Variants in CSMD3 observed in about 807,000 individuals in gnomAD.
The protein encoded by CSMD3 is CUB and sushi domain-containing protein 3.
In CSMD3, 177 loss-of-function variants were observed where a neutral mutation model predicts 435.2. The observed-to-expected ratio is 0.41, with a 90% CI of 0.36 to 0.46. The LOEUF (loss-of-function observed/expected upper bound fraction) is 0.46. Among genes scored for constraint, CSMD3 ranks in the 20% least tolerant of loss-of-function variants. The pLI, the probability that CSMD3 is intolerant of heterozygous loss-of-function variation, is 0.34. For missense variants in CSMD3, 4,265 were observed against 4,504.6 expected (o/e 0.95, Z 1.52); for synonymous variants, 1,656 against 1,520.5 (o/e 1.09, Z -2.07).
At chr8:113,084,437 T>G (rs975918421) in intron 5 of CSMD3, among the ~76,000 whole-genome samples, 9 of 151,892 alleles carry the variant, frequency 5.9e-5, no homozygotes, top group Non-Finnish European at 1.3e-4. Context: ...AATGTATTGA[T>G]AAAGAAATTG....
chr8:112,701,693 C>T (rs1053719024), intron 13 of CSMD3, among the ~76,000 whole-genome samples: 2 of 152,160 alleles, frequency 1.3e-5, no homozygotes, highest in East Asian at 1.9e-4. Context: ...ATCTCTTCGA[C>T]TTCCTTACCA....
chr8:112,546,304 G>T (rs902764331), intron 27 of CSMD3, among the ~76,000 whole-genome samples: 4 of 152,200 alleles, frequency 2.6e-5, no homozygotes, highest in African/African-American at 9.6e-5. Context: ...ATTTCGGAAA[G>T]ATCAGTCAGG....
intron 1 of CSMD3, among the ~76,000 whole-genome samples, chr8:113,393,995 A>G: frequency 6.6e-6 from 1 of 152,060 alleles, no homozygotes; most frequent in South Asian, 2.1e-4. Flanking sequence ...TTATAAAGTG[A>G]GGTTTAGTAT....
intron 20 of CSMD3, among the ~76,000 whole-genome samples, chr8:112,640,690 A>G (rs2074799473): frequency 6.6e-6 from 1 of 151,972 alleles, no homozygotes; most frequent in Non-Finnish European, 1.5e-5. Flanking sequence ...TCTATAGTAT[A>G]AAATCAGTAT....
intron 4 of CSMD3, among the ~76,000 whole-genome samples, chr8:113,119,577 G>C (rs1200178817): frequency 6.6e-6 from 1 of 152,118 alleles, no homozygotes; most frequent in Non-Finnish European, 1.5e-5. Flanking sequence ...AGAAACCAAA[G>C]ACATAAAAAC....
chr8:113,087,004 C>G (rs775847036), intron 5 of CSMD3, among the ~76,000 whole-genome samples: 2 of 152,152 alleles, frequency 1.3e-5, no homozygotes, highest in Admixed American at 6.5e-5. Context: ...GGAACCGCAT[C>G]GCATAGCAAA....
intron 30 of CSMD3, among the ~76,000 whole-genome samples, chr8:112,497,452 T>A (rs891046767): frequency 2.0e-5 from 3 of 148,620 alleles, no homozygotes; most frequent in African/African-American, 5.0e-5. Flanking sequence ...ATTGTGCACC[T>A]GTATCAAAAT....
At chr8:112,272,457 C>T (rs1242199435) in intron 59 of CSMD3, among the ~76,000 whole-genome samples, 3 of 151,966 alleles carry the variant, frequency 2.0e-5, no homozygotes, top group South Asian at 2.1e-4. Context: ...TCTACAGAGG[C>T]AATTATAACA....
In CSMD3 at chr8:112,311,059, G is replaced by T; in HGVS notation, c.7804C>A (p.Leu2602Ile). ...VRWACDRGFR[L>I]VGKSSAVCRK... ...CACACAGCACTGCTTTTTCCAACAAGTCGGAATCCTCGATCACAGGCCCAA... is the reference window on the plus strand; with the variant it reads ...CACACAGCACTGCTTTTTCCAACAATTCGGAATCCTCGATCACAGGCCCAA... The change falls in exon 50 of 71, where the codon CTT becomes ATT. Residue 2602 changes from leucine to isoleucine, a missense_variant. This residue lies in a region of CSMD3 where 3,255 missense variants were observed against 3,380.2 expected (regional missense o/e 0.96). Coordinates refer to ENST00000297405, the MANE Select transcript of CSMD3 (RefSeq NM_198123.2). 6.2e-7 allele frequency: 1 copy of T among 1,614,014 alleles called. No homozygotes were observed. Among genetic ancestry groups the T allele is most frequent in the Non-Finnish European group, 8.5e-7 (1 of 1,179,976 alleles).
intron 1 of CSMD3, among the ~76,000 whole-genome samples, chr8:113,317,176 T>C (rs1454752178): frequency 6.6e-6 from 1 of 152,210 alleles, no homozygotes; most frequent in African/African-American, 2.4e-5. Context: ...CATTTTATGA[T>C]TTTCAAAAAT....
chr8:112,440,249 G>A (rs995315230), intron 32 of CSMD3, among the ~76,000 whole-genome samples: 4 of 152,180 alleles, frequency 2.6e-5, no homozygotes, highest in South Asian at 4.1e-4. Flanking sequence ...AAATCCAATA[G>A]GGCAGTTATT....
chr8:113,329,523 G>C (rs1032313925), intron 1 of CSMD3, among the ~76,000 whole-genome samples: 2 of 152,092 alleles, frequency 1.3e-5, no homozygotes, highest in Non-Finnish European at 2.9e-5. Context: ...CACATACCAA[G>C]ATCTGCATAA....
At chr8:113,418,613 A>G (rs1396334464) in intron 1 of CSMD3, among the ~76,000 whole-genome samples, 1 of 152,194 alleles carries the variant, frequency 6.6e-6, no homozygotes, top group East Asian at 1.9e-4. Context: ...GGGAGATGAA[A>G]AATACCCACA....
intron 4 of CSMD3, among the ~76,000 whole-genome samples, chr8:113,154,909 A>C (rs188124250): frequency 1.9e-3 from 293 of 152,084 alleles, no homozygotes; most frequent in Admixed American, 4.2e-3. Context: ...AAGAAATATA[A>C]ATTTGTCTAT....
intron 27 of CSMD3, among the ~76,000 whole-genome samples, chr8:112,540,657 T>C (rs948683284): frequency 4.6e-5 from 7 of 151,980 alleles, no homozygotes; most frequent in Admixed American, 1.3e-4. Context: ...GGACATTATG[T>C]TACGTGAAAT....
At chr8:113,039,111 T>C (rs1298604079) in intron 5 of CSMD3, among the ~76,000 whole-genome samples, 6 of 152,162 alleles carry the variant, frequency 3.9e-5, no homozygotes, top group South Asian at 2.1e-4. Flanking sequence ...ATAAATATTG[T>C]AGTACAAAAT....
Position 112,309,776 on chromosome 8 carries a change from T to C in CSMD3, c.7885+1202A>G, listed in dbSNP as rs565220053. On this transcript the variant is annotated intron_variant, in intron 50 of 70. Transcript: ENST00000297405. ...ACATATGCCTTTGAAAGCTATCCTT[T>C]TATGAATTATAAATTGCACTCTAAT... Among the ~76,000 whole-genome samples, 8 of 152,258 alleles carry C rather than the reference T, an allele frequency of 5.3e-5. No homozygotes were observed. In the South Asian group the frequency reaches 1.7e-3, roughly 32 times the overall value.
chr8:113,174,619 A>G (rs2092319769), intron 3 of CSMD3, among the ~76,000 whole-genome samples: 1 of 152,034 alleles, frequency 6.6e-6, no homozygotes, highest in Non-Finnish European at 1.5e-5. Context: ...GTATACAAAC[A>G]TAAGAGTTTT....
At chr8:112,526,719 T>C (rs990906046) in intron 27 of CSMD3, among the ~76,000 whole-genome samples, 3 of 151,968 alleles carry the variant, frequency 2.0e-5, no homozygotes, top group African/African-American at 7.2e-5. Context: ...TTGCTCACTT[T>C]AAATATTTAA....
Sources: gnomAD v4.1 joint callset for allele counts (sites outside exome capture counted in the v4.1 genomes callset) on GRCh38, gnomAD v4.1.1 for gene constraint, gnomAD v4.1.1 regional missense constraint, MANE v1.5 for transcripts, NCBI Gene and HGNC (gene_info 2026-07-23, HGNC 2026-07-21) for gene names.